APC: variants seen among roughly 807,000 people sequenced by gnomAD.
APC encodes APC regulator of Wnt signaling pathway, also known as adenomatous polyposis coli protein.
APC carries 72 observed loss-of-function variants against 247.0 expected under a neutral mutation model. That is an observed-to-expected ratio of 0.29 (90% CI 0.24 to 0.35). APC has a LOEUF of 0.35. Ranked by LOEUF, APC falls within the 10% of genes least tolerant of loss-of-function variation. APC has a pLI of 1.00. For synonymous variants in APC, 1,254 were observed against 1,162.5 expected, an observed-to-expected ratio of 1.08 and a Z score of -1.60; for missense variants, 3,400 against 3,360.7, an observed-to-expected ratio of 1.01 and a Z score of -0.29.
At chr5:112,714,588 C>T (rs1323252106) in intron 1 of APC, among the ~76,000 whole-genome samples, 1 of 152,216 alleles carries the variant, frequency 6.6e-6, no homozygotes, top group African/African-American at 2.4e-5. Context: ...GCTAGCTTAT[C>T]TTAATGGTGG....
intron 1 of APC, among the ~76,000 whole-genome samples, chr5:112,741,814 C>T (rs1753066149): frequency 6.6e-6 from 1 of 152,080 alleles, no homozygotes; most frequent in Non-Finnish European, 1.5e-5. Flanking sequence ...ACCACCACTC[C>T]ACTTTTTGTC....
chr5:112,718,546 C>T (rs562062227), intron 1 of APC, among the ~76,000 whole-genome samples: 2 of 152,338 alleles, frequency 1.3e-5, no homozygotes. Context: ...TCCCCTGTGC[C>T]TGCAATGCAG....
At chr5:112,735,444 C>G (rs1199008894), upstream of APC, among the ~76,000 whole-genome samples, 1 of 151,768 alleles carries the variant, frequency 6.6e-6, no homozygotes, top group Non-Finnish European at 1.5e-5. Context: ...TCCCAAATTC[C>G]TGGGATTATA....
chr5:112,840,360 G>T lies in APC; in HGVS notation c.4766G>T (p.Arg1589Leu), dbSNP rs374048423. 2 of 1,614,146 alleles carry T rather than the reference G, an allele frequency of 1.2e-6. No homozygotes were observed. Among genetic ancestry groups the T allele is most frequent in the South Asian group, 1.1e-5 (1 of 91,082 alleles). ...IISAMPTKSS[R>L]KAKKPAQTAS... is the part of the protein sequence containing the mutation. ...TCTGCCATGCCAACAAAGTCATCAC[G>T]TAAAGCAAAAAAGCCAGCCCAGACT... The change falls in exon 16 of 16, where the codon CGT (arginine) becomes CTT (leucine). Residue 1589 changes from arginine (R) to leucine (L), a missense_variant. Arg to Leu is a moderately radical substitution (Grantham distance 102, BLOSUM62 -2). Around this residue, in one of 9 missense-constraint regions of APC, gnomAD observed 1,788 missense variants for 1,649.5 expected, o/e 1.08. Coordinates refer to ENST00000257430, the MANE Select transcript of APC (RefSeq NM_000038.6). This position sits in a 1 kb window ranked among gnomAD's most constrained non-coding sequence, Gnocchi z 4.1.
intron 6 of APC, among the ~76,000 whole-genome samples, chr5:112,782,989 C>CA (rs1372232351): frequency 5.9e-5 from 9 of 151,810 alleles, no homozygotes; most frequent in Non-Finnish European, 8.8e-5. Context: ...TTATTTGTTT[C>CA]AAAAAAACAA....
intron 7 of APC, among the ~76,000 whole-genome samples, chr5:112,797,320 T>G (rs1760318433): frequency 6.6e-6 from 1 of 152,134 alleles, no homozygotes; most frequent in African/African-American, 2.4e-5. Flanking sequence ...TAATGTAAGT[T>G]AGAGGGAGAA....
intron 4 of APC, among the ~76,000 whole-genome samples, chr5:112,774,274 A>G (rs1488504013): frequency 6.6e-6 from 1 of 152,128 alleles, no homozygotes; most frequent in Admixed American, 6.6e-5. Context: ...GGAAATAGAA[A>G]ATTCTCCAAA....
intron 4 of APC, among the ~76,000 whole-genome samples, chr5:112,768,829 C>G (rs1311613074): frequency 6.6e-6 from 1 of 151,322 alleles, no homozygotes; most frequent in Admixed American, 6.6e-5. Context: ...TAGCGTAGAA[C>G]ACAGTCCTGT....
intron 6 of APC, among the ~76,000 whole-genome samples, chr5:112,790,699 A>G (rs1460431665): frequency 1.3e-5 from 2 of 152,160 alleles, no homozygotes; most frequent in Non-Finnish European, 2.9e-5. Context: ...CATTTTTACT[A>G]TGGTAGTAAG....
At position 112,834,345 on chromosome 5, in the gene APC, G is replaced by A. The variant is rs185477632; in HGVS notation, c.1744-606G>A. ...CGACCTCTGCCTCCCAGGTTCAAGC[G>A]ATTCTCCCACCTCAGCCTCCCAAGT... On this transcript the variant is annotated intron_variant, in intron 14 of 15. Transcript: ENST00000257430. 1.9e-4 allele frequency among the ~76,000 whole-genome samples: 29 copies of A among 149,424 alleles called. No individual in the cohort carries two copies. In the East Asian group the frequency reaches 5.2e-3, roughly 27 times the overall value.
intron 10 of APC, among the ~76,000 whole-genome samples, chr5:112,820,680 T>C (rs1012751045): frequency 2.0e-5 from 3 of 152,206 alleles, no homozygotes; most frequent in Admixed American, 6.5e-5. Context: ...TAGAATAAAA[T>C]GATACTTCTT....
rs1389238446 is a variant in APC at position 112,766,378 on chromosome 5, C to T, written c.188C>T (p.Ser63Phe). ...GSIEDEAMAS[S>F]GQIDLLERLK... The stretch of plus-strand genomic sequence containing the variant: ...ATTGAAGATGAAGCTATGGCTTCTT[C>T]TGGACAGATTGATTTATTAGAGCGT... Residue 63 changes from serine to phenylalanine, a missense_variant, in exon 3 of 16, where the codon TCT becomes TTT. Around this residue, in one of 9 missense-constraint regions of APC, gnomAD observed 372 missense variants for 367.6 expected, o/e 1.01. Coordinates refer to ENST00000257430, the MANE Select transcript of APC (RefSeq NM_000038.6). 6.2e-7 allele frequency: 1 copy of T among 1,612,086 alleles called. No homozygotes were observed. The highest frequency in any genetic ancestry group is 8.5e-7 in the Non-Finnish European group (1 of 1,178,566).
intron 11 of APC, among the ~76,000 whole-genome samples, chr5:112,822,836 A>T (rs1458713826): frequency 6.6e-6 from 1 of 152,070 alleles, no homozygotes; most frequent in Non-Finnish European, 1.5e-5. Context: ...TCATCGTTTC[A>T]TTCGTCATTT....
At chr5:112,781,651 A>G (rs1758358450) in intron 6 of APC, among the ~76,000 whole-genome samples, 1 of 152,212 alleles carries the variant, frequency 6.6e-6, no homozygotes, top group Non-Finnish European at 1.5e-5. Flanking sequence ...ATACACATAC[A>G]TTTTGTATTC....
chr5:112,819,036 T>A lies in APC; in HGVS notation c.1004T>A (p.Leu335Gln), dbSNP rs2149779658. 1 of 1,614,128 alleles carries A rather than the reference T, an allele frequency of 6.2e-7. No individual in the cohort carries two copies. Among genetic ancestry groups the A allele is most frequent in the African/African-American group, 1.3e-5 (1 of 75,048 alleles). The change falls in exon 10 of 16, where the codon CTA becomes CAA. Residue 335 changes from leucine (L) to glutamine (Q), a missense_variant. Leu to Gln is a moderately radical substitution (Grantham distance 113). Transcript: ENST00000257430. ...HDKDDMSRTL[L>Q]AMSSSQDSCI... is the part of the protein sequence containing the mutation. Reference sequence around the variant, plus strand: ...AAGGATGATATGTCGCGAACTTTGCTAGCTATGTCTAGCTCCCAAGACAGC... The same window carrying A: ...AAGGATGATATGTCGCGAACTTTGCAAGCTATGTCTAGCTCCCAAGACAGC...
chr5:112,827,902 A>G (rs768435546), intron 12 of APC, 27 bp from the exon 13 acceptor site: 1 of 1,591,546 alleles, frequency 6.3e-7, no homozygotes. Flanking sequence ...CTTTTTAATG[A>G]TCCTCTATTC....
intron 1 of APC, among the ~76,000 whole-genome samples, chr5:112,720,840 G>T (rs748058246): frequency 6.6e-6 from 1 of 152,120 alleles, no homozygotes. Context: ...TCTATAATAA[G>T]CTGCTCTGGT....
intron 1 of APC, among the ~76,000 whole-genome samples, chr5:112,716,385 T>C (rs569906521): frequency 2.5e-4 from 38 of 152,302 alleles, no homozygotes; most frequent in Admixed American, 7.2e-4. Context: ...CATATGGAGA[T>C]TTTCCAGTTA....
At chr5:112,715,488 C>T (rs1218530744) in intron 1 of APC, among the ~76,000 whole-genome samples, 1 of 152,038 alleles carries the variant, frequency 6.6e-6, no homozygotes, top group African/African-American at 2.4e-5. Context: ...AGTGAGGTGG[C>T]CTGTACCATT....
Sources: gnomAD v4.1 joint callset for allele counts (sites outside exome capture counted in the v4.1 genomes callset) on GRCh38, gnomAD v4.1.1 for gene constraint, gnomAD v4.1.1 regional missense constraint, Gnocchi (gnomAD v3.1) non-coding constraint, MANE v1.5 for transcripts, NCBI Gene and HGNC (gene_info 2026-07-23, HGNC 2026-07-21) for gene names.